The following IYD variants were observed in gnomAD, a reference collection of about 807,000 sequenced individuals.
The protein encoded by IYD is iodotyrosine deiodinase 1.
A neutral mutation model predicts 28.4 loss-of-function variants in IYD; 25 were observed. The ratio of observed to expected loss-of-function variants is 0.88; its 90% CI spans 0.64 to 1.23. The LOEUF (loss-of-function observed/expected upper bound fraction) is 1.23, where lower values mean the gene tolerates loss of function less well. Among genes scored for constraint, IYD ranks in the 50% most tolerant of loss-of-function variants. The pLI, the probability that IYD is intolerant of heterozygous loss-of-function variation, is 0.00. For missense variants in IYD, 352 were observed against 357.9 expected, an observed-to-expected ratio of 0.98 and a Z score of 0.13; for synonymous variants, 140 against 130.8, an observed-to-expected ratio of 1.07 and a Z score of -0.48.
At chr6:150,370,373 G>A (rs1393152864) in intron 1 of IYD, 4 of 425,142 alleles carry the variant, frequency 9.4e-6, no homozygotes, top group Admixed American at 1.3e-4. Context: ...GTGTGTGTGA[G>A]CATGCATGAG....
rs1349899747 is a variant in IYD at position 150,403,791 on chromosome 6, C to T, written c.*5554C>T. ...GAGTCATGGCTCAGAGCCAAATGTTCAGGATTGAATTCAACAGCATTTAAA... is the reference window on the plus strand; with the variant it reads ...GAGTCATGGCTCAGAGCCAAATGTTTAGGATTGAATTCAACAGCATTTAAA... On this transcript the variant is annotated 3_prime_UTR_variant, in exon 5 of 5. Coordinates refer to ENST00000344419, the MANE Select transcript of IYD (RefSeq NM_203395.3). 6.6e-6 allele frequency: 1 copy of T among 152,178 alleles called. No individual in the cohort carries two copies. The allele number at this position is 152,178 out of a possible 1,614,324, so 9.4% of individuals were successfully genotyped here. A position where few individuals can be genotyped will look rare whatever the true frequency, so the allele number is the denominator to read the frequency against.
At position 150,398,238 on chromosome 6, in the gene IYD, G is replaced by T; in HGVS notation, c.*1G>T. On this transcript the variant is annotated 3_prime_UTR_variant, in exon 5 of 5. Transcript: ENST00000344419. The stretch of plus-strand genomic sequence containing the variant: ...GGACCAGATCATGGTGACAGTGTAG[G>T]CAGGGCCCCCCAAGGGAGTGGCAGG... 6.2e-7 allele frequency: 1 copy of T among 1,614,078 alleles called. No individual in the cohort carries two copies. Among genetic ancestry groups the T allele is most frequent in the Non-Finnish European group, 8.5e-7 (1 of 1,180,008 alleles).
intron 1 of IYD, among the ~76,000 whole-genome samples, chr6:150,371,107 GA>G (rs1777223656): frequency 6.6e-6 from 1 of 152,192 alleles, no homozygotes; most frequent in Non-Finnish European, 1.5e-5. Flanking sequence ...AACTGTGGAA[GA>G]AAAATGTACT....
intron 1 of IYD, among the ~76,000 whole-genome samples, chr6:150,387,572 A>G (rs1777922386): frequency 6.6e-6 from 1 of 152,088 alleles, no homozygotes; most frequent in Non-Finnish European, 1.5e-5. Context: ...GATCAAATGT[A>G]TATTAGACAT....
chr6:150,396,923 A>G (rs1265904707), intron 4 of IYD: 1 of 152,420 alleles, frequency 6.6e-6, no homozygotes, highest in Non-Finnish European at 1.5e-5. Flanking sequence ...TTCAAATACT[A>G]TGTGAAGATA....
intron 1 of IYD, among the ~76,000 whole-genome samples, chr6:150,381,595 C>T (rs1165795149): frequency 6.6e-6 from 1 of 152,116 alleles, no homozygotes; most frequent in African/African-American, 2.4e-5. Context: ...TCATAAACAC[C>T]CATATGTCCT....
intron 1 of IYD, among the ~76,000 whole-genome samples, chr6:150,373,581 G>A (rs769857537): frequency 1.3e-5 from 2 of 152,178 alleles, no homozygotes; most frequent in Non-Finnish European, 2.9e-5. Context: ...GGAGCCAACT[G>A]TTAAATATTT....
At chr6:150,375,767 G>A (rs1777423462) in intron 1 of IYD, among the ~76,000 whole-genome samples, 1 of 152,178 alleles carries the variant, frequency 6.6e-6, no homozygotes, top group Non-Finnish European at 1.5e-5. Flanking sequence ...TGTCGGGGCA[G>A]ATGCTGAGCC....
intron 1 of IYD, among the ~76,000 whole-genome samples, chr6:150,375,860 C>A (rs1009459457): frequency 6.6e-6 from 1 of 152,094 alleles, no homozygotes; most frequent in Non-Finnish European, 1.5e-5. Flanking sequence ...TCCAAAATTG[C>A]AAGAAGGGAA....
At position 150,376,819 on chromosome 6, in the gene IYD, TCTATGTTGCCCAGG is replaced by T. The variant is rs377080808; in HGVS notation, c.178+7613_178+7626del. Among the ~76,000 whole-genome samples, 160 of 152,062 alleles carry T rather than the reference TCTATGTTGCCCAGG, an allele frequency of 1.1e-3. 1 individual carries two copies. In the East Asian group the frequency reaches 0.026, roughly 25 times the overall value. On this transcript the variant is annotated intron_variant, in intron 1 of 4. Transcript: ENST00000344419. Reference sequence around the variant, plus strand: ...AGACTTTTTGTAAAGACAGGGTCTCTCTATGTTGCCCAGGCTGGTCTCGAACTCCTGGGCTCAAG... The same window carrying T: ...AGACTTTTTGTAAAGACAGGGTCTCTCTGGTCTCGAACTCCTGGGCTCAAG...
Position 150,398,410 on chromosome 6 carries a change from C to T in IYD, c.*173C>T. 1 of 615,880 alleles carries T rather than the reference C, an allele frequency of 1.6e-6. No individual in the cohort carries two copies. 38.2% of individuals were successfully genotyped at this position (615,880 alleles called of 1,614,324 possible). A position where few individuals can be genotyped will look rare whatever the true frequency, so the allele number is the denominator to read the frequency against. ...AGCCTCTCCACACTCTGTGGCACTT[C>T]CAGTCCCATAAATCCTGTTTCTTAT... On this transcript the variant is annotated 3_prime_UTR_variant, in exon 5 of 5. Coordinates refer to ENST00000344419, the MANE Select transcript of IYD (RefSeq NM_203395.3).
intron 1 of IYD, among the ~76,000 whole-genome samples, chr6:150,386,561 A>G (rs1777871485): frequency 6.6e-6 from 1 of 152,002 alleles, no homozygotes; most frequent in Non-Finnish European, 1.5e-5. Flanking sequence ...ACCTTGTTAA[A>G]ATCTTCTGTA....
At chr6:150,373,667 A>G (rs937430791) in intron 1 of IYD, among the ~76,000 whole-genome samples, 4 of 152,214 alleles carry the variant, frequency 2.6e-5, no homozygotes, top group Non-Finnish European at 5.9e-5. Context: ...GATACTGGCA[A>G]GTGCTATGAA....
At position 150,400,784 on chromosome 6, in the gene IYD, G is replaced by T. The variant is rs1380643954; in HGVS notation, c.*2547G>T. ...ATCAAAATCTGCATTTTAACAAGAT[G>T]CCCAGGTGATCTGCATGCCTGTTAA... On this transcript the variant is annotated 3_prime_UTR_variant, in exon 5 of 5. Transcript: ENST00000344419. The T allele has an allele frequency of 6.6e-6, 1 of 152,226 alleles. No homozygotes were observed. Among genetic ancestry groups the T allele is most frequent in the Non-Finnish European group, 1.5e-5 (1 of 68,040 alleles). 9.4% of individuals were successfully genotyped at this position (152,226 alleles called of 1,614,324 possible). A position where few individuals can be genotyped will look rare whatever the true frequency, so the allele number is the denominator to read the frequency against.
At chr6:150,377,947 A>T (rs535097939) in intron 1 of IYD, among the ~76,000 whole-genome samples, 1 of 151,784 alleles carries the variant, frequency 6.6e-6, no homozygotes, top group Non-Finnish European at 1.5e-5. Context: ...GTTTATTACC[A>T]CTCCCCCATC....
chr6:150,381,618 A>G (rs1192943889), intron 1 of IYD, among the ~76,000 whole-genome samples: 2 of 152,172 alleles, frequency 1.3e-5, no homozygotes. Context: ...CCCAGTCACA[A>G]CCTCTTCTAT....
intron 1 of IYD, among the ~76,000 whole-genome samples, chr6:150,378,189 A>G (rs1311470752): frequency 6.6e-6 from 1 of 151,502 alleles, no homozygotes; most frequent in Admixed American, 6.6e-5. Context: ...TTATTTTATT[A>G]TTATTATACT....
intron 4 of IYD, chr6:150,396,044 T>C (rs1289915039): frequency 8.5e-6 from 2 of 235,312 alleles, no homozygotes; most frequent in Non-Finnish European, 1.7e-5. Context: ...ATTAATATAT[T>C]AAATACCAAG....
At chr6:150,383,506 A>G (rs1424080105) in intron 1 of IYD, among the ~76,000 whole-genome samples, 2 of 152,246 alleles carry the variant, frequency 1.3e-5, no homozygotes, top group Non-Finnish European at 2.9e-5. Flanking sequence ...ATGTTTTAAA[A>G]TATATCTTAC....
Sources: gnomAD v4.1 joint callset for allele counts (sites outside exome capture counted in the v4.1 genomes callset) on GRCh38, gnomAD v4.1.1 for gene constraint, MANE v1.5 for transcripts, NCBI Gene and HGNC (gene_info 2026-07-23, HGNC 2026-07-21) for gene names.